PHYHIPL: variants seen among roughly 807,000 people sequenced by gnomAD.
PHYHIPL encodes phytanoyl-CoA 2-hydroxylase interacting protein like.
PHYHIPL carries 9 observed loss-of-function variants against 33.4 expected under a neutral mutation model. The ratio of observed to expected loss-of-function variants is 0.27; its 90% CI spans 0.16 to 0.47. PHYHIPL has a LOEUF of 0.47. Ranked by LOEUF, PHYHIPL falls within the 20% of genes least tolerant of loss-of-function variation. PHYHIPL has a pLI of 0.99. For missense variants in PHYHIPL, 365 were observed against 460.7 expected (o/e 0.79, Z 1.90); for synonymous variants, 153 against 154.1 (o/e 0.99, Z 0.05).
intron 1 of PHYHIPL, among the ~76,000 whole-genome samples, chr10:59,190,372 T>C (rs530046300): frequency 6.6e-6 from 1 of 152,044 alleles, no homozygotes; most frequent in Admixed American, 6.5e-5. Flanking sequence ...TTTGTCAAAG[T>C]AGAATAATGA....
At chr10:59,236,147 C>A (rs181809750) in intron 2 of PHYHIPL, among the ~76,000 whole-genome samples, 128 of 151,906 alleles carry the variant, frequency 8.4e-4, no homozygotes, top group East Asian at 2.3e-3. Flanking sequence ...AGCTGTATGA[C>A]CTCGAACTTG....
At chr10:59,211,187 A>G (rs1317007762) in intron 1 of PHYHIPL, among the ~76,000 whole-genome samples, 1 of 152,056 alleles carries the variant, frequency 6.6e-6, no homozygotes. Context: ...AGCCTGGGGA[A>G]CATAGTGAGA....
At chr10:59,197,293 G>A (rs1207827962) in intron 1 of PHYHIPL, among the ~76,000 whole-genome samples, 1 of 152,088 alleles carries the variant, frequency 6.6e-6, no homozygotes, top group African/African-American at 2.4e-5. Flanking sequence ...CCAATCTTCT[G>A]TTCCTCCAGT....
At chr10:59,189,785 G>C (rs186235161) in intron 1 of PHYHIPL, among the ~76,000 whole-genome samples, 387 of 151,966 alleles carry the variant, frequency 2.5e-3, no homozygotes, top group African/African-American at 9.0e-3. Context: ...TTTTATTGAG[G>C]GTTAAAAGTA....
In PHYHIPL at chr10:59,192,628, A is replaced by G. The variant is rs1383914254; in HGVS notation, c.106+15669A>G. 2.0e-5 allele frequency among the ~76,000 whole-genome samples: 3 copies of G among 152,144 alleles called. No homozygotes were observed. The East Asian group carries it at 5.8e-4, about 29-fold the overall frequency. ...AGAGAGTGTAACTACCTAAATGGCA[A>G]TTATAGATAATAAGTAGGATTTTTA... On this transcript the variant is annotated intron_variant, in intron 1 of 4. Transcript: ENST00000373880.
At chr10:59,186,356 T>C (rs1273203217) in intron 1 of PHYHIPL, among the ~76,000 whole-genome samples, 1 of 152,218 alleles carries the variant, frequency 6.6e-6, no homozygotes, top group African/African-American at 2.4e-5. Flanking sequence ...CCATGCTGTT[T>C]TGGTTACCGT....
Position 59,207,425 on chromosome 10 carries a change from G to C in PHYHIPL, c.107-26879G>C, listed in dbSNP as rs556621039. Among the ~76,000 whole-genome samples the C allele has an allele frequency of 3.3e-5, 5 of 152,234 alleles. No individual in the cohort carries two copies. In the South Asian group the frequency reaches 1.0e-3, roughly 32 times the overall value. On this transcript the variant is annotated intron_variant, in intron 1 of 4. Coordinates refer to ENST00000373880, the MANE Select transcript of PHYHIPL (RefSeq NM_032439.4). ...ATACTACACTTTTCCCACAGTCTTC[G>C]CAACCCGCAAACCAGGAGATTCCCT...
chr10:59,185,434 T>C (rs1820791859), intron 1 of PHYHIPL, among the ~76,000 whole-genome samples: 1 of 152,178 alleles, frequency 6.6e-6, no homozygotes, highest in East Asian at 1.9e-4. Flanking sequence ...TACGTGTGCA[T>C]GTGTCTTTAT....
At chr10:59,199,737 A>G (rs1314719112) in intron 1 of PHYHIPL, among the ~76,000 whole-genome samples, 6 of 152,084 alleles carry the variant, frequency 3.9e-5, no homozygotes, top group Admixed American at 3.9e-4. Context: ...TTCTTTGAGC[A>G]GTGGTTTGTA....
chr10:59,188,668 A>C (rs933750185), intron 1 of PHYHIPL, among the ~76,000 whole-genome samples: 1 of 151,980 alleles, frequency 6.6e-6, no homozygotes, highest in African/African-American at 2.4e-5. Context: ...GGTGCATATA[A>C]ATTTAGGATA....
intron 1 of PHYHIPL, among the ~76,000 whole-genome samples, chr10:59,208,925 T>C (rs1839364727): frequency 6.6e-6 from 1 of 152,106 alleles, no homozygotes; most frequent in Admixed American, 6.5e-5. Flanking sequence ...TATGGGACTA[T>C]GTGAAAAGAC....
upstream of PHYHIPL, among the ~76,000 whole-genome samples, chr10:59,176,413 T>TC (rs1838250047): frequency 1.3e-5 from 2 of 151,730 alleles, no homozygotes; most frequent in African/African-American, 4.8e-5. Flanking sequence ...GCGCGCTCGG[T>TC]CGCCCGACGC....
chr10:59,224,503 A>T (rs531879318), intron 1 of PHYHIPL, among the ~76,000 whole-genome samples: 1 of 152,172 alleles, frequency 6.6e-6, no homozygotes, highest in African/African-American at 2.4e-5. Context: ...AACAAAAAAC[A>T]AAACAAAAAA....
rs1840741028 is a variant in PHYHIPL at position 59,246,715 on chromosome 10, G to A, written c.*1124G>A. 2 of 397,082 alleles carry A rather than the reference G, an allele frequency of 5.0e-6. No homozygotes were observed. The highest frequency in any genetic ancestry group is 2.5e-4 in the South Asian group (2 of 7,844). 24.6% of individuals were successfully genotyped at this position (397,082 alleles called of 1,614,324 possible). A position where few individuals can be genotyped will look rare whatever the true frequency, so the allele number is the denominator to read the frequency against. On this transcript the variant is annotated 3_prime_UTR_variant, in exon 5 of 5. Coordinates refer to ENST00000373880, the MANE Select transcript of PHYHIPL (RefSeq NM_032439.4). ...GAAGGATGAATAACTACAGCTCATG[G>A]GAAATGTTTTGACTTTACAAAGTAT...
chr10:59,200,001 A>C (rs569287830), intron 1 of PHYHIPL, among the ~76,000 whole-genome samples: 143 of 152,274 alleles, frequency 9.4e-4, no homozygotes, highest in African/African-American at 3.3e-3. Context: ...GTCATCTGCA[A>C]ACAGGGTCAA....
At chr10:59,225,265 T>C (rs1450702573) in intron 1 of PHYHIPL, among the ~76,000 whole-genome samples, 1 of 150,488 alleles carries the variant, frequency 6.6e-6, no homozygotes, top group African/African-American at 2.4e-5. Flanking sequence ...ATTGTAAAAG[T>C]TTGTATTCCT....
At chr10:59,213,815 T>G (rs1358689381) in intron 1 of PHYHIPL, among the ~76,000 whole-genome samples, 2 of 152,154 alleles carry the variant, frequency 1.3e-5, no homozygotes, top group Non-Finnish European at 2.9e-5. Context: ...AGTGACTCAA[T>G]CAGTGTTAAA....
intron 1 of PHYHIPL, among the ~76,000 whole-genome samples, chr10:59,181,110 A>G (rs936886417): frequency 2.6e-5 from 4 of 152,212 alleles, no homozygotes; most frequent in Admixed American, 6.5e-5. Context: ...AGTGGGTATA[A>G]TACCAATCCT....
chr10:59,236,080 G>C (rs990759598), intron 2 of PHYHIPL, among the ~76,000 whole-genome samples: 1 of 151,722 alleles, frequency 6.6e-6, no homozygotes, highest in Non-Finnish European at 1.5e-5. Flanking sequence ...ATACAGAAAA[G>C]AACACCATAT....
Sources: gnomAD v4.1 joint callset for allele counts (sites outside exome capture counted in the v4.1 genomes callset) on GRCh38, gnomAD v4.1.1 for gene constraint, MANE v1.5 for transcripts, NCBI Gene and HGNC (gene_info 2026-07-23, HGNC 2026-07-21) for gene names.